Variants in GALNT2 observed in about 807,000 individuals in gnomAD.
The protein encoded by GALNT2 is polypeptide N-acetylgalactosaminyltransferase 2, also known as UDP-GalNAc:polypeptide N-acetylgalactosaminyltransferase 2.
GALNT2 carries 31 observed loss-of-function variants against 81.4 expected under a neutral mutation model. That is an observed-to-expected ratio of 0.38 (90% CI 0.29 to 0.51). The LOEUF (loss-of-function observed/expected upper bound fraction) is 0.51. Ranked by LOEUF, GALNT2 falls within the 20% of genes least tolerant of loss-of-function variation. The pLI, the probability that GALNT2 is intolerant of heterozygous loss-of-function variation, is 0.87. For missense variants in GALNT2, 629 were observed against 765.7 expected (o/e 0.82, Z 2.11); for synonymous variants, 303 against 287.4 (o/e 1.05, Z -0.55).
chr1:230,142,456 G>T (rs1661776600), intron 1 of GALNT2, among the ~76,000 whole-genome samples: 1 of 152,156 alleles, frequency 6.6e-6, no homozygotes. Context: ...CCCGCCAGCT[G>T]ATCACTCTTG....
rs75269830 is a variant in GALNT2 at position 230,229,477 on chromosome 1, G to A, written c.375-6537G>A. Among the ~76,000 whole-genome samples the A allele has an allele frequency of 2.1e-3, 323 of 152,264 alleles. 2 individuals are homozygous for A. Among genetic ancestry groups the A allele is most frequent in the African/African-American group, 7.3e-3 (305 of 41,560 alleles). On this transcript the variant is annotated intron_variant, in intron 3 of 15. Coordinates refer to ENST00000366672, the MANE Select transcript of GALNT2 (RefSeq NM_004481.5). ...GAGCAGGATGATCTCATGCAGGTCC[G>A]GGCAGGAGTGACACTAGGTCCAGCC...
chr1:230,103,881 C>T (rs4582798), intron 1 of GALNT2, among the ~76,000 whole-genome samples: 64,320 of 151,092 alleles, frequency 0.43, 13,622 homozygotes, highest in South Asian at 0.53. Context: ...TCATTTACTC[C>T]GTGAGAGCTG....
chr1:230,118,886 G>A (rs1315823953), intron 1 of GALNT2, among the ~76,000 whole-genome samples: 1 of 152,090 alleles, frequency 6.6e-6, no homozygotes, highest in Non-Finnish European at 1.5e-5. Context: ...AACTCTGCCT[G>A]CCCCTCACCC....
chr1:230,110,347 G>C (rs1660664843), intron 1 of GALNT2, among the ~76,000 whole-genome samples: 1 of 152,184 alleles, frequency 6.6e-6, no homozygotes, highest in African/African-American at 2.4e-5. Flanking sequence ...AATGTTCAGG[G>C]CTGTTCTTAT....
In GALNT2 at chr1:230,254,755, C is replaced by A. The variant is rs144175461; in HGVS notation, c.1010-463C>A. Among the ~76,000 whole-genome samples the A allele has an allele frequency of 4.0e-3, 610 of 152,248 alleles. 3 individuals are homozygous for A. Among genetic ancestry groups the A allele is most frequent in the Non-Finnish European group, 6.0e-3 (410 of 68,016 alleles). On this transcript the variant is annotated intron_variant, in intron 10 of 15. Transcript: ENST00000366672. ...AAGCTTAATTGTACATATTTATATACCTTCAGTGTTGCCTTTTCCCACGGT... is the reference window on the plus strand; with the variant it reads ...AAGCTTAATTGTACATATTTATATAACTTCAGTGTTGCCTTTTCCCACGGT...
chr1:230,171,043 T>C, intron 1 of GALNT2, among the ~76,000 whole-genome samples: 1 of 152,208 alleles, frequency 6.6e-6, no homozygotes, highest in East Asian at 1.9e-4. Context: ...TATTAATAGG[T>C]CACACAGCCT....
intron 10 of GALNT2, among the ~76,000 whole-genome samples, chr1:230,254,341 C>T (rs1345478325): frequency 6.6e-6 from 1 of 152,200 alleles, no homozygotes; most frequent in Non-Finnish European, 1.5e-5. Context: ...CCTAGACCTA[C>T]ACATCTCATT....
At chr1:230,084,125 A>C (rs1479282128) in intron 1 of GALNT2, among the ~76,000 whole-genome samples, 1 of 152,156 alleles carries the variant, frequency 6.6e-6, no homozygotes, top group Non-Finnish European at 1.5e-5. Flanking sequence ...CCTGCGTCCC[A>C]GTGGACTGTG....
At chr1:230,232,768 C>T (rs772548404) in intron 3 of GALNT2, among the ~76,000 whole-genome samples, 2 of 152,134 alleles carry the variant, frequency 1.3e-5, no homozygotes, top group South Asian at 4.1e-4. Flanking sequence ...TAACAATCTG[C>T]TAATTCTTAA....
chr1:230,178,127 T>G (rs1663043447), intron 1 of GALNT2, 91 bp from the exon 2 acceptor site: 1 of 993,124 alleles, frequency 1.0e-6, no homozygotes, highest in East Asian at 2.5e-5. Flanking sequence ...GGCCAAGTGT[T>G]AACTCTCCTA....
At chr1:230,073,285 T>G (rs1356039020) in intron 1 of GALNT2, among the ~76,000 whole-genome samples, 2 of 152,228 alleles carry the variant, frequency 1.3e-5, no homozygotes, top group Non-Finnish European at 2.9e-5. Flanking sequence ...GAACCCAGTA[T>G]GGAGTTGGCA....
At chr1:230,058,505 A>C (rs1658972103) in intron 1 of GALNT2, among the ~76,000 whole-genome samples, 1 of 152,132 alleles carries the variant, frequency 6.6e-6, no homozygotes, top group African/African-American at 2.4e-5. Context: ...CTAGTGACTC[A>C]GTCTCCCTGA....
chr1:230,100,413 G>T (rs867228643), intron 1 of GALNT2, among the ~76,000 whole-genome samples: 1 of 138,168 alleles, frequency 7.2e-6, no homozygotes, highest in South Asian at 2.4e-4. Context: ...TGCAAACTCC[G>T]CCTCCGGGTT....
intron 11 of GALNT2, among the ~76,000 whole-genome samples, chr1:230,256,729 C>T (rs1414060198): frequency 2.6e-5 from 4 of 152,170 alleles, no homozygotes; most frequent in Admixed American, 2.6e-4. Flanking sequence ...CTCTTACATG[C>T]TAAAGATAGA....
intron 10 of GALNT2, among the ~76,000 whole-genome samples, chr1:230,253,036 C>T (rs1001854838): frequency 3.9e-5 from 6 of 151,900 alleles, no homozygotes; most frequent in African/African-American, 1.4e-4. Context: ...TTAGTAGAGA[C>T]AGGGTTTCTC....
chr1:230,163,926 C>T (rs773985299), intron 1 of GALNT2, among the ~76,000 whole-genome samples: 1 of 152,136 alleles, frequency 6.6e-6, no homozygotes, highest in East Asian at 1.9e-4. Context: ...CAGAACTGGC[C>T]GGGGGTGGTG....
At chr1:230,097,570 G>A (rs1444217841) in intron 1 of GALNT2, among the ~76,000 whole-genome samples, 4 of 152,110 alleles carry the variant, frequency 2.6e-5, no homozygotes, top group African/African-American at 7.2e-5. Context: ...AGCGTGTGTC[G>A]GAATTGCCTT....
At chr1:230,212,551 C>T (rs1486250404) in intron 3 of GALNT2, among the ~76,000 whole-genome samples, 1 of 152,148 alleles carries the variant, frequency 6.6e-6, no homozygotes, top group East Asian at 1.9e-4. Context: ...TGTGACATCT[C>T]TGCCTGTCAG....
intron 1 of GALNT2, among the ~76,000 whole-genome samples, chr1:230,162,178 A>T (rs532592618): frequency 8.5e-5 from 13 of 152,202 alleles, no homozygotes; most frequent in African/African-American, 3.1e-4. Flanking sequence ...AGATTTTCAC[A>T]AGCACTGAAG....
Sources: gnomAD v4.1 joint callset for allele counts (sites outside exome capture counted in the v4.1 genomes callset) on GRCh38, gnomAD v4.1.1 for gene constraint, MANE v1.5 for transcripts, NCBI Gene and HGNC (gene_info 2026-07-23, HGNC 2026-07-21) for gene names.